The following ZMAT1 variants were observed in gnomAD, a reference collection of about 807,000 sequenced individuals.
ZMAT1 encodes zinc finger matrin-type 1.
A neutral mutation model predicts 18.5 loss-of-function variants in ZMAT1; 11 were observed. The ratio of observed to expected loss-of-function variants is 0.59; its 90% confidence interval spans 0.37 to 0.98. ZMAT1 has a LOEUF of 0.98. Among genes scored for constraint, ZMAT1 ranks in the 50% least tolerant of loss-of-function variants. The probability of loss-of-function intolerance (pLI) is 0.01; values close to 1 mark genes in which losing one functional copy is unlikely to be tolerated. For synonymous variants in ZMAT1, 211 were observed against 176.4 expected, an observed-to-expected ratio of 1.20 and a Z score of -1.55; for missense variants, 525 against 496.2, an observed-to-expected ratio of 1.06 and a Z score of -0.55.
rs1234900728 is a variant in ZMAT1 at position 101,898,711 on chromosome X, A to C, written c.400-491T>G. Among the ~76,000 whole-genome samples the C allele has an allele frequency of 5.4e-5, 6 of 111,830 alleles. No individual in the cohort carries two copies. The East Asian group carries it at 1.7e-3, about 31-fold the overall frequency. On this transcript the variant is annotated intron_variant, in intron 2 of 5. Coordinates refer to ENST00000651725, the MANE Select transcript of ZMAT1 (RefSeq NM_001394560.1). ...ATGGAGTTTCAACAGTCATCTTTGG[A>C]CCATGGTGACATTGAGGAGGAAAAC...
chrX:101,885,354 G>A (rs1318540396), intron 5 of ZMAT1, among the ~76,000 whole-genome samples: 1 of 111,182 alleles, frequency 9.0e-6, no homozygotes, highest in Non-Finnish European at 1.9e-5. Flanking sequence ...CTGTAATCTT[G>A]AGATTTTTAA....
intron 4 of ZMAT1, among the ~76,000 whole-genome samples, chrX:101,892,046 G>A (rs1405875611): frequency 1.8e-5 from 2 of 111,172 alleles, no homozygotes; most frequent in Non-Finnish European, 3.8e-5. Flanking sequence ...TCACAAAGGA[G>A]CTTGTCTGAG....
intron 1 of ZMAT1, among the ~76,000 whole-genome samples, chrX:101,916,458 C>A (rs950540311): frequency 5.4e-5 from 6 of 111,348 alleles, no homozygotes; most frequent in African/African-American, 2.0e-4. Flanking sequence ...AAATTAAATA[C>A]CTAGGCATTA....
chrX:101,923,053 T>C (rs1022398274), intron 1 of ZMAT1, among the ~76,000 whole-genome samples: 1 of 111,912 alleles, frequency 8.9e-6, no homozygotes, highest in African/African-American at 3.3e-5. Context: ...TGGCATAGAA[T>C]TGGGACTTAG....
intron 1 of ZMAT1, among the ~76,000 whole-genome samples, chrX:101,912,723 T>C (rs1392828364): frequency 8.9e-6 from 1 of 112,100 alleles, no homozygotes; most frequent in African/African-American, 3.2e-5. Context: ...CAGTTACAGA[T>C]TGGAATTCCA....
rs1927472329 is a variant in ZMAT1 at position 101,892,278 on chromosome X, T to C, written c.677-5547A>G. Reference sequence around the variant, plus strand: ...GCTTTATGCAGAAGTAGAAAATGTATAGGGTGGAACTGATCCAGGGTTGAA... The same window carrying C: ...GCTTTATGCAGAAGTAGAAAATGTACAGGGTGGAACTGATCCAGGGTTGAA... On this transcript the variant is annotated intron_variant, in intron 4 of 5. Transcript: ENST00000651725. Among the ~76,000 whole-genome samples the C allele has an allele frequency of 2.7e-5, 3 of 111,184 alleles. No homozygotes were observed. In the South Asian group the frequency reaches 1.1e-3, roughly 42 times the overall value.
At chrX:101,907,420 G>A (rs1012567734) in intron 1 of ZMAT1, among the ~76,000 whole-genome samples, 8 of 112,459 alleles carry the variant, frequency 7.1e-5, no homozygotes, top group African/African-American at 2.3e-4. Flanking sequence ...GGGAATCTCT[G>A]GATGGGCTGA....
chrX:101,923,349 TTC>T (rs1488026060), intron 1 of ZMAT1, among the ~76,000 whole-genome samples: 2 of 111,852 alleles, frequency 1.8e-5, no homozygotes, highest in Admixed American at 1.9e-4. Context: ...CCTTTCAGAT[TTC>T]TGTTTCTACC....
rs756211956 is a variant in ZMAT1 at position 101,890,468 on chromosome X, A to G, written c.677-3737T>C. On this transcript the variant is annotated intron_variant, in intron 4 of 5. Coordinates refer to ENST00000651725, the MANE Select transcript of ZMAT1 (RefSeq NM_001394560.1). ...AAGGGCATTCCAGGGGATGAAAATA[A>G]TATCAAGTATGGCAGAGACAGAAAT... 1.0e-3 allele frequency among the ~76,000 whole-genome samples: 113 copies of G among 111,751 alleles called. 1 individual carries two copies. Among genetic ancestry groups the G allele is most frequent in the African/African-American group, 3.6e-3 (111 of 30,806 alleles).
intron 4 of ZMAT1, among the ~76,000 whole-genome samples, chrX:101,895,628 C>T (rs1245121292): frequency 9.2e-6 from 1 of 109,008 alleles, no homozygotes; most frequent in African/African-American, 3.3e-5. Flanking sequence ...AGATTTCTCT[C>T]TTATTTTGTC....
intron 1 of ZMAT1, among the ~76,000 whole-genome samples, chrX:101,930,897 ATC>A (rs983989385): frequency 8.9e-6 from 1 of 112,433 alleles, no homozygotes; most frequent in African/African-American, 3.2e-5. Context: ...GTCAAGAAAT[ATC>A]TTTTTATGTT....
In ZMAT1 at chrX:101,884,009, T is replaced by C. The variant is rs1926707767; in HGVS notation, c.1589A>G (p.His530Arg). ...ENQLPHCLPA[H>R]DSKQRLDSIS... is the part of the protein sequence containing the mutation. The stretch of plus-strand genomic sequence containing the variant: ...AGAATCTAGTCTCTGTTTGCTATCA[T>C]GAGCTGGTAAGCAATGAGGTAACTG... Residue 530 changes from histidine to arginine, a missense_variant, in exon 6 of 6, where the codon CAT becomes CGT. Physicochemically the swap from His to Arg is conservative, Grantham distance 29. Coordinates refer to ENST00000651725, the MANE Select transcript of ZMAT1 (RefSeq NM_001394560.1). 1 of 1,202,044 alleles carries C rather than the reference T, an allele frequency of 8.3e-7. No individual in the cohort carries two copies. Among genetic ancestry groups the C allele is most frequent in the Admixed American group, 2.2e-5 (1 of 45,578 alleles).
intron 2 of ZMAT1, among the ~76,000 whole-genome samples, 190 bp from the exon 3 acceptor site, chrX:101,898,410 T>G (rs938194837): frequency 8.9e-5 from 10 of 111,924 alleles, no homozygotes; most frequent in Non-Finnish European, 1.1e-4. Flanking sequence ...AGCCAATAAC[T>G]TTTAGATTCT....
Position 101,931,823 on chromosome X carries a change from A to T in ZMAT1, c.186T>A (p.Gly62=). ...ATSAPACPPA[G]GCGDGGGGGF... Reference sequence around the variant, plus strand: ...CGCCGCCGCCGCCGTCGCCACAGCCACCGGCAGGCGGGCAGGCAGGGGCGG... The same window carrying T: ...CGCCGCCGCCGCCGTCGCCACAGCCTCCGGCAGGCGGGCAGGCAGGGGCGG... Residue 62 remains glycine, a synonymous_variant, in exon 1 of 6, where the codon GGT becomes GGA. Transcript: ENST00000651725. The T allele has an allele frequency of 1.3e-6, 1 of 779,861 alleles. No homozygotes were observed. The highest frequency in any genetic ancestry group is 8.6e-5 in the Admixed American group (1 of 11,586). The allele number at this position is 779,861 out of a possible 1,213,427, so 64.3% of individuals were successfully genotyped here.
intron 4 of ZMAT1, among the ~76,000 whole-genome samples, chrX:101,891,163 G>A (rs184045286): frequency 2.1e-4 from 23 of 111,753 alleles, no homozygotes; most frequent in Non-Finnish European, 1.9e-4. Flanking sequence ...ATGGGTCTCA[G>A]TAGGGGTAGA....
intron 1 of ZMAT1, among the ~76,000 whole-genome samples, chrX:101,927,002 T>TA (rs764857581): frequency 8.9e-6 from 1 of 112,452 alleles, no homozygotes; most frequent in South Asian, 3.6e-4. Flanking sequence ...TGCAATATCA[T>TA]AAACATAAAT....
At chrX:101,913,990 A>G (rs1024792204) in intron 1 of ZMAT1, among the ~76,000 whole-genome samples, 39 of 112,088 alleles carry the variant, frequency 3.5e-4, no homozygotes, top group African/African-American at 1.3e-3. Flanking sequence ...AATATCAAGC[A>G]TCTTCTCGAA....
chrX:101,910,184 C>G (rs1928865717), intron 1 of ZMAT1, among the ~76,000 whole-genome samples: 1 of 112,610 alleles, frequency 8.9e-6, no homozygotes, highest in Admixed American at 9.4e-5. Context: ...AGGGCAGCAC[C>G]TCTATGAGTC....
chrX:101,894,753 G>A (rs1449388583), intron 4 of ZMAT1: 2 of 751,224 alleles, frequency 2.7e-6, no homozygotes, highest in African/African-American at 4.7e-5. Context: ...AAAGAATAGA[G>A]CTTCAAGGAG....
Sources: allele counts gnomAD v4.1 joint callset (sites outside exome capture counted in the v4.1 genomes callset), GRCh38; gene constraint gnomAD v4.1.1; transcripts MANE v1.5; gene names NCBI Gene and HGNC (gene_info 2026-07-23, HGNC 2026-07-21).